Variants in SGSM1 observed in about 807,000 individuals in gnomAD.
SGSM1 encodes the protein RUN and TBC1 domain containing 2.
Under a neutral mutation model 133.8 loss-of-function variants are expected in SGSM1, and 73 were observed. That is an observed-to-expected ratio of 0.55 (90% CI 0.45 to 0.66). SGSM1 has a LOEUF of 0.66. SGSM1 is among the 30% of genes least tolerant of loss of function. SGSM1 has a pLI of 0.00. For synonymous variants in SGSM1, 563 were observed against 573.0 expected (o/e 0.98, Z 0.25); for missense variants, 1,213 against 1,448.1 (o/e 0.84, Z 2.64).
chr22:24,865,023 C>G (rs1405886930), intron 9 of SGSM1, among the ~76,000 whole-genome samples: 1 of 152,152 alleles, frequency 6.6e-6, no homozygotes, highest in Admixed American at 6.5e-5. Context: ...GCATGGAAAA[C>G]CCTTAGCTGG....
intron 2 of SGSM1, among the ~76,000 whole-genome samples, chr22:24,808,612 G>T (rs1160197518): frequency 6.6e-6 from 1 of 152,202 alleles, no homozygotes; most frequent in African/African-American, 2.4e-5. Flanking sequence ...GGAGGGGGCT[G>T]CAGGCAGAAG....
chr22:24,845,509 G>A (rs1478306752), intron 3 of SGSM1, among the ~76,000 whole-genome samples: 1 of 152,202 alleles, frequency 6.6e-6, no homozygotes, highest in East Asian at 1.9e-4. Flanking sequence ...AATGGCTAGA[G>A]ATGGGGTCTG....
At chr22:24,917,842 G>C in intron 23 of SGSM1, 88 bp downstream of exon 23, 1 of 1,073,614 alleles carries the variant, frequency 9.3e-7, no homozygotes, top group Non-Finnish European at 1.4e-6. Flanking sequence ...AGGTTGAGGG[G>C]TTGGCAACAG....
At chr22:24,832,503 A>T (rs1929177227) in intron 2 of SGSM1, among the ~76,000 whole-genome samples, 2 of 152,168 alleles carry the variant, frequency 1.3e-5, no homozygotes, top group South Asian at 4.1e-4. Flanking sequence ...CGGTCTCATC[A>T]TCTGAGAACT....
chr22:24,874,993 G>C (rs895465070), intron 12 of SGSM1, among the ~76,000 whole-genome samples: 5 of 152,202 alleles, frequency 3.3e-5, no homozygotes, highest in Admixed American at 2.0e-4. Flanking sequence ...GTGGCTGCAA[G>C]AATTACATCG....
chr22:24,886,291 C>T (rs1439242007), intron 15 of SGSM1, among the ~76,000 whole-genome samples: 3 of 152,086 alleles, frequency 2.0e-5, no homozygotes, highest in South Asian at 4.2e-4. Flanking sequence ...ATCCCAGCTA[C>T]TCGGGAGGCT....
chr22:24,828,259 T>C (rs1342607735), intron 2 of SGSM1, among the ~76,000 whole-genome samples: 2 of 152,124 alleles, frequency 1.3e-5, no homozygotes, highest in Non-Finnish European at 2.9e-5. Flanking sequence ...GCAGTGCCCT[T>C]TCCTGGCTGT....
chr22:24,908,211 A>G (rs1030695593), intron 21 of SGSM1, among the ~76,000 whole-genome samples: 6 of 152,168 alleles, frequency 3.9e-5, no homozygotes, highest in Non-Finnish European at 7.3e-5. Flanking sequence ...ACATACAACA[A>G]ACTAACTCAA....
chr22:24,860,922 A>AATATATATAT (rs1555926665), intron 9 of SGSM1, among the ~76,000 whole-genome samples: 105 of 37,602 alleles, frequency 2.8e-3, no homozygotes, highest in African/African-American at 8.8e-3. Context: ...AAAAAAAAAA[A>AATATATATAT]ATATATATAT....
intron 2 of SGSM1, among the ~76,000 whole-genome samples, chr22:24,823,659 G>A (rs563218753): frequency 4.6e-5 from 7 of 151,792 alleles, no homozygotes; most frequent in South Asian, 4.2e-4. Context: ...TTGGCTGGAC[G>A]CAGTGGCTCA....
intron 19 of SGSM1, among the ~76,000 whole-genome samples, chr22:24,900,928 G>T (rs1447518589): frequency 6.6e-6 from 1 of 152,194 alleles, no homozygotes; most frequent in African/African-American, 2.4e-5. Context: ...CTCAAGAGAG[G>T]GGTTTTCTTC....
At chr22:24,845,959 T>TTCTTTCTTTCTTTCTCTCTC (rs1569144716) in intron 3 of SGSM1, among the ~76,000 whole-genome samples, 1 of 104,960 alleles carries the variant, frequency 9.5e-6, no homozygotes, top group African/African-American at 3.3e-5. Flanking sequence ...CTTTCTTTCT[T>TTCTTTCTTTCTTTCTCTCTC]TCTTTCTTTC....
At chr22:24,813,514 A>C (rs12170037) in intron 2 of SGSM1, among the ~76,000 whole-genome samples, 4,835 of 152,274 alleles carry the variant, frequency 0.032, 269 homozygotes, top group Admixed American at 0.14. Flanking sequence ...CATGTGCTTG[A>C]ATGAATGCAG....
intron 13 of SGSM1, among the ~76,000 whole-genome samples, chr22:24,878,324 C>T (rs991715338): frequency 6.6e-6 from 1 of 152,194 alleles, no homozygotes; most frequent in Non-Finnish European, 1.5e-5. Flanking sequence ...GTTGTAGCAT[C>T]TGCTTACACA....
intron 19 of SGSM1, 71 bp downstream of exon 19, chr22:24,898,630 T>C: frequency 7.0e-7 from 1 of 1,438,020 alleles, no homozygotes; most frequent in South Asian, 1.3e-5. Context: ...ACTACAAGCC[T>C]GTTATCCAGA....
chr22:24,911,190 T>C (rs1472117130), intron 21 of SGSM1, among the ~76,000 whole-genome samples: 1 of 152,086 alleles, frequency 6.6e-6, no homozygotes, highest in Non-Finnish European at 1.5e-5. Flanking sequence ...TGAGCCGTGA[T>C]TGTGCCACTG....
In SGSM1 at chr22:24,865,814, G is replaced by A. The variant is rs140651988; in HGVS notation, c.927-1279G>A. Among the ~76,000 whole-genome samples the A allele has an allele frequency of 3.8e-3, 579 of 152,300 alleles. 1 individual carries two copies. The highest frequency in any genetic ancestry group is 0.027 in the Middle Eastern group (8 of 294). ...TTGGGCAGAAGGAGTCTGAGACACA[G>A]CATGGCTCTAAGAACATTTGGCCAG... On this transcript the variant is annotated intron_variant, in intron 9 of 24. Transcript: ENST00000400358.
intron 19 of SGSM1, among the ~76,000 whole-genome samples, chr22:24,899,625 C>T (rs756775038): frequency 6.6e-6 from 1 of 151,378 alleles, no homozygotes; most frequent in Non-Finnish European, 1.5e-5. Flanking sequence ...CGAATTCATG[C>T]CATTCTCTTG....
chr22:24,822,088 CTTTTTTTT>C (rs71320790), intron 2 of SGSM1, among the ~76,000 whole-genome samples: 3 of 96,178 alleles, frequency 3.1e-5, no homozygotes, highest in East Asian at 3.9e-4. Context: ...TCATCTCTCT[CTTTTTTTT>C]TTTTTTTTTT....
Sources: gnomAD v4.1 joint callset for allele counts (sites outside exome capture counted in the v4.1 genomes callset) on GRCh38, gnomAD v4.1.1 for gene constraint, MANE v1.5 for transcripts, NCBI Gene and HGNC (gene_info 2026-07-23, HGNC 2026-07-21) for gene names.